The following KIAA0513 variants were observed in gnomAD, a reference collection of about 807,000 sequenced individuals.
KIAA0513 encodes the protein uncharacterized protein KIAA0513.
A neutral mutation model predicts 56.5 loss-of-function variants in KIAA0513; 39 were observed. That is an observed-to-expected ratio of 0.69 (90% confidence interval 0.53 to 0.90). The LOEUF is 0.90. KIAA0513 is among the 40% of genes least tolerant of loss of function. The pLI is 0.00. For synonymous variants in KIAA0513, 268 were observed against 215.6 expected (o/e 1.24, Z -2.13); for missense variants, 591 against 535.2 (o/e 1.10, Z -1.03).
chr16:85,082,729 C>T (rs2073761238), intron 10 of KIAA0513, 136 bp downstream of exon 10: 8 of 866,258 alleles, frequency 9.2e-6, no homozygotes, highest in African/African-American at 1.7e-5. Context: ...TGGTGGCCGG[C>T]GGGGAGGGCG....
At position 85,081,413 on chromosome 16, in the gene KIAA0513, C is replaced by G; in HGVS notation, c.980+21C>G. 6.5e-7 allele frequency: 1 copy of G among 1,549,896 alleles called. No homozygotes were observed. Among genetic ancestry groups the G allele is most frequent in the South Asian group, 1.2e-5 (1 of 84,216 alleles). ...ACCAGGTAGGAGCAAAGTGTGGCCC[C>G]ATTTGGCCTCAGGAAAAAGGACCAG... On this transcript the variant is annotated intron_variant, in intron 9 of 12. Coordinates refer to ENST00000683363, the MANE Select transcript of KIAA0513 (RefSeq NM_001388359.1). The surrounding 1 kb of genome is among the most constrained non-coding windows in gnomAD (Gnocchi z 4.4).
chr16:85,040,981 A>T (rs1377605426), intron 1 of KIAA0513, among the ~76,000 whole-genome samples: 1 of 152,212 alleles, frequency 6.6e-6, no homozygotes, highest in Non-Finnish European at 1.5e-5. Context: ...GCTCCTCAAA[A>T]ATGCATTTGC....
In KIAA0513 at chr16:85,076,354, G is replaced by C. The variant is rs367725450; in HGVS notation, c.574+440G>C. Among the ~76,000 whole-genome samples, 11 of 152,314 alleles carry C rather than the reference G, an allele frequency of 7.2e-5. No homozygotes were observed. In the East Asian group the frequency reaches 1.4e-3, roughly 19 times the overall value. ...AGCTGCAGAGAGTTCCCAGGGATGG[G>C]CTGGAGATGGCTTATGAGGAGTGCG... On this transcript the variant is annotated intron_variant, in intron 5 of 12. Transcript: ENST00000683363. The surrounding 1 kb of genome is among the most constrained non-coding windows in gnomAD (Gnocchi z 4.7).
intron 2 of KIAA0513, among the ~76,000 whole-genome samples, chr16:85,070,033 T>C (rs925310889): frequency 1.3e-5 from 2 of 150,676 alleles, no homozygotes; most frequent in South Asian, 2.1e-4. Context: ...TAGCCAGGCA[T>C]GGTGGCATGT....
intron 1 of KIAA0513, among the ~76,000 whole-genome samples, chr16:85,055,699 A>G (rs1239955391): frequency 6.6e-6 from 1 of 152,186 alleles, no homozygotes; most frequent in African/African-American, 2.4e-5. Flanking sequence ...TGTTGCACAG[A>G]ATCCGCCACC....
intron 3 of KIAA0513, among the ~76,000 whole-genome samples, chr16:85,072,489 T>C (rs75565367): frequency 4.6e-5 from 7 of 151,034 alleles, no homozygotes; most frequent in Non-Finnish European, 8.9e-5. Flanking sequence ...TTTTTTTTTT[T>C]CCTGAGTGGC....
intron 1 of KIAA0513, among the ~76,000 whole-genome samples, chr16:85,053,357 C>G (rs1409008635): frequency 1.3e-5 from 2 of 152,244 alleles, no homozygotes; most frequent in African/African-American, 2.4e-5. Context: ...ATTGCTGCAG[C>G]CTGCCAAAAT....
intron 1 of KIAA0513, among the ~76,000 whole-genome samples, chr16:85,037,382 G>A (rs2073049153): frequency 6.6e-6 from 1 of 152,126 alleles, no homozygotes; most frequent in Non-Finnish European, 1.5e-5. Flanking sequence ...GTGAACCTAG[G>A]ACGCTAGGAT....
At chr16:85,055,268 A>C (rs186250525) in intron 1 of KIAA0513, among the ~76,000 whole-genome samples, 48 of 152,188 alleles carry the variant, frequency 3.2e-4, no homozygotes, top group Non-Finnish European at 5.4e-4. Context: ...TTAAAAATAG[A>C]AAAGGAGTGT....
chr16:85,080,719 G>A (rs2073731083), intron 8 of KIAA0513, among the ~76,000 whole-genome samples: 1 of 152,164 alleles, frequency 6.6e-6, no homozygotes, highest in South Asian at 2.1e-4. Context: ...CTTGAACCTG[G>A]GAGGCAGAGG....
intron 1 of KIAA0513, among the ~76,000 whole-genome samples, chr16:85,053,181 G>A (rs1288890009): frequency 1.3e-5 from 2 of 152,146 alleles, no homozygotes; most frequent in Admixed American, 1.3e-4. Flanking sequence ...GAGCCACCAC[G>A]CCCGACCTGG....
In KIAA0513 at chr16:85,075,782, C is replaced by T. The variant is rs952142131; in HGVS notation, c.504-62C>T. 10 of 1,481,018 alleles carry T rather than the reference C, an allele frequency of 6.8e-6. No homozygotes were observed. In the African/African-American group the frequency reaches 1.1e-4, roughly 16 times the overall value. The allele number at this position is 1,481,018 out of a possible 1,614,324, so 91.7% of individuals were successfully genotyped here. A position where few individuals can be genotyped will look rare whatever the true frequency, so the allele number is the denominator to read the frequency against. On this transcript the variant is annotated intron_variant, in intron 4 of 12. Coordinates refer to ENST00000683363, the MANE Select transcript of KIAA0513 (RefSeq NM_001388359.1). ...TGTCAAGTGTCTCAGTGATGTCTGA[C>T]CGACTTGCAGGAAGAAGCAGGTGGA...
rs544982760 is a variant in KIAA0513 at position 85,040,559 on chromosome 16, G to A, written c.-173+12701G>A. 9.1e-4 allele frequency among the ~76,000 whole-genome samples: 138 copies of A among 152,194 alleles called. 4 individuals are homozygous for A. The South Asian group carries it at 0.017, about 19-fold the overall frequency. On this transcript the variant is annotated intron_variant, in intron 1 of 12. Transcript: ENST00000683363. The stretch of plus-strand genomic sequence containing the variant: ...AAAAGAAACTCCAATGTCCATCATC[G>A]CAGGTACACGTTTGTTGCTGTCTCG...
chr16:85,041,999 A>G (rs1223933650), intron 1 of KIAA0513, among the ~76,000 whole-genome samples: 1 of 152,160 alleles, frequency 6.6e-6, no homozygotes, highest in Non-Finnish European at 1.5e-5. Context: ...CCCATTTGCC[A>G]GAAGCCTGAA....
chr16:85,030,108 A>G (rs545454073), intron 1 of KIAA0513, among the ~76,000 whole-genome samples: 14 of 152,272 alleles, frequency 9.2e-5, no homozygotes, highest in Admixed American at 5.2e-4. Context: ...TCCCCGGCTT[A>G]CCGAGTCTGC....
chr16:85,076,444 G>C lies in KIAA0513; in HGVS notation c.574+530G>C, dbSNP rs1229946491. Among the ~76,000 whole-genome samples, 2 of 152,196 alleles carry C rather than the reference G, an allele frequency of 1.3e-5. No homozygotes were observed. Among genetic ancestry groups the C allele is most frequent in the African/African-American group, 4.8e-5 (2 of 41,442 alleles). Reference sequence around the variant, plus strand: ...TCATTGCGTTGGCACTTTCTCGTATGTTGGAGCTCAAGGGCTTCCTGCGTG... The same window carrying C: ...TCATTGCGTTGGCACTTTCTCGTATCTTGGAGCTCAAGGGCTTCCTGCGTG... On this transcript the variant is annotated intron_variant, in intron 5 of 12. Coordinates refer to ENST00000683363, the MANE Select transcript of KIAA0513 (RefSeq NM_001388359.1). The surrounding 1 kb of genome is among the most constrained non-coding windows in gnomAD (Gnocchi z 4.7).
Position 85,091,215 on chromosome 16 carries a change from T to A in KIAA0513, c.*2890T>A, listed in dbSNP as rs2073864253. On this transcript the variant is annotated 3_prime_UTR_variant, in exon 13 of 13. Coordinates refer to ENST00000683363, the MANE Select transcript of KIAA0513 (RefSeq NM_001388359.1). ...CCTAGTGAACCAAAATGCAAACAAC[T>A]CACACAAGTGAAAAGCTCCCTGCTT... 1 of 152,196 alleles carries A rather than the reference T, an allele frequency of 6.6e-6. No individual in the cohort carries two copies. Among genetic ancestry groups the A allele is most frequent in the African/African-American group, 2.4e-5 (1 of 41,444 alleles). 9.4% of individuals were successfully genotyped at this position (152,196 alleles called of 1,614,324 possible).
chr16:85,077,690 G>A, intron 6 of KIAA0513, 58 bp downstream of exon 6: 1 of 1,338,004 alleles, frequency 7.5e-7, no homozygotes. Flanking sequence ...GGCTGGTGTG[G>A]AGCTCGGACG....
At chr16:85,032,919 G>A (rs1012459060) in intron 1 of KIAA0513, among the ~76,000 whole-genome samples, 8 of 152,040 alleles carry the variant, frequency 5.3e-5, no homozygotes, top group African/African-American at 1.9e-4. Flanking sequence ...CATAGAGACC[G>A]CGCCCGGCCC....
Sources: gnomAD v4.1 joint callset for allele counts (sites outside exome capture counted in the v4.1 genomes callset) on GRCh38, gnomAD v4.1.1 for gene constraint, Gnocchi (gnomAD v3.1) non-coding constraint, MANE v1.5 for transcripts, NCBI Gene and HGNC (gene_info 2026-07-23, HGNC 2026-07-21) for gene names.